The following PKNOX2 variants were observed in gnomAD, a reference collection of about 807,000 sequenced individuals.
The protein encoded by PKNOX2 is homeobox protein PKNOX2.
Under a neutral mutation model 53.1 loss-of-function variants are expected in PKNOX2, and 14 were observed. The observed-to-expected ratio is 0.26, with a 90% CI of 0.17 to 0.41. The LOEUF (loss-of-function observed/expected upper bound fraction) is 0.41. Among genes scored for constraint, PKNOX2 ranks in the 10% least tolerant of loss-of-function variants. The pLI is 1.00. For missense variants in PKNOX2, 496 were observed against 602.8 expected, an observed-to-expected ratio of 0.82 and a Z score of 1.85; for synonymous variants, 257 against 242.8, an observed-to-expected ratio of 1.06 and a Z score of -0.54.
At chr11:125,366,130 C>G (rs888167098) in intron 4 of PKNOX2, among the ~76,000 whole-genome samples, 3 of 152,150 alleles carry the variant, frequency 2.0e-5, no homozygotes, top group African/African-American at 7.2e-5. Context: ...CTCATGTATT[C>G]CAAAAGGTCA....
At chr11:125,376,882 AAAAT>A (rs1392453759) in intron 5 of PKNOX2, among the ~76,000 whole-genome samples, 1 of 152,190 alleles carries the variant, frequency 6.6e-6, no homozygotes, top group East Asian at 1.9e-4. Context: ...AAAATAAATA[AAAAT>A]AAATTTCTAT....
At chr11:125,385,408 C>T in intron 5 of PKNOX2, 143 bp from the exon 6 acceptor site, 1 of 908,482 alleles carries the variant, frequency 1.1e-6, no homozygotes, top group Non-Finnish European at 1.6e-6. Flanking sequence ...CTAGATTGAC[C>T]ATAGGGACTG....
At chr11:125,380,112 CT>C (rs1953121147) in intron 5 of PKNOX2, among the ~76,000 whole-genome samples, 1 of 152,210 alleles carries the variant, frequency 6.6e-6, no homozygotes, top group South Asian at 2.1e-4. Flanking sequence ...TCCCTCCTGC[CT>C]GCCTGTGTCC....
intron 1 of PKNOX2, among the ~76,000 whole-genome samples, chr11:125,190,702 C>A (rs566220979): frequency 4.0e-4 from 61 of 152,302 alleles, no homozygotes; most frequent in African/African-American, 1.3e-3. Flanking sequence ...GTCCACTTTC[C>A]TGGGCTCTCA....
intron 2 of PKNOX2, among the ~76,000 whole-genome samples, chr11:125,291,510 C>G (rs1176376504): frequency 6.6e-6 from 1 of 152,170 alleles, no homozygotes; most frequent in Non-Finnish European, 1.5e-5. Flanking sequence ...TTAGTGGTTC[C>G]TCCAAATTGA....
At chr11:125,217,004 T>C in intron 1 of PKNOX2, among the ~76,000 whole-genome samples, 1 of 125,262 alleles carries the variant, frequency 8.0e-6, no homozygotes. Flanking sequence ...CCCCATCCCC[T>C]CAAAACACAC....
intron 1 of PKNOX2, among the ~76,000 whole-genome samples, chr11:125,222,635 ATG>A (rs1200116353): frequency 7.9e-6 from 1 of 126,764 alleles, no homozygotes; most frequent in East Asian, 2.3e-4. Context: ...GTGTGTGTGT[ATG>A]TGTGTGCGTA....
chr11:125,181,702 T>C (rs1483393332), intron 1 of PKNOX2, among the ~76,000 whole-genome samples: 1 of 152,188 alleles, frequency 6.6e-6, no homozygotes, highest in Non-Finnish European at 1.5e-5. Flanking sequence ...GAGGAATCTC[T>C]TGGTGAGCCC....
intron 10 of PKNOX2, among the ~76,000 whole-genome samples, chr11:125,417,540 A>C (rs1349251189): frequency 6.6e-6 from 1 of 152,074 alleles, no homozygotes; most frequent in Non-Finnish European, 1.5e-5. Context: ...CGAAGAAGGC[A>C]ACACATTTCT....
chr11:125,299,343 C>T (rs1947876641), intron 2 of PKNOX2, among the ~76,000 whole-genome samples: 1 of 152,120 alleles, frequency 6.6e-6, no homozygotes, highest in African/African-American at 2.4e-5. Context: ...AACTAGGTCA[C>T]ACTCTAAACC....
intron 5 of PKNOX2, among the ~76,000 whole-genome samples, chr11:125,380,758 A>G (rs564497557): frequency 6.6e-5 from 10 of 152,312 alleles, no homozygotes; most frequent in African/African-American, 2.4e-4. Context: ...ACACAGGGCC[A>G]TTTGTATTAC....
intron 5 of PKNOX2, among the ~76,000 whole-genome samples, chr11:125,384,923 T>C (rs1314683133): frequency 6.6e-6 from 1 of 152,190 alleles, no homozygotes; most frequent in African/African-American, 2.4e-5. Flanking sequence ...TTGCATCACA[T>C]AGTGATGTAA....
chr11:125,216,239 A>T (rs958306159), intron 1 of PKNOX2, among the ~76,000 whole-genome samples: 1 of 152,218 alleles, frequency 6.6e-6, no homozygotes. Flanking sequence ...CTGCAGAGCC[A>T]TGAGTAGCCA....
chr11:125,375,161 A>C (rs1484767520), intron 5 of PKNOX2, among the ~76,000 whole-genome samples: 1 of 152,156 alleles, frequency 6.6e-6, no homozygotes, highest in Non-Finnish European at 1.5e-5. Context: ...CAAATCTTTA[A>C]CTTCTTTAGA....
chr11:125,208,487 A>C (rs556501231), intron 1 of PKNOX2, among the ~76,000 whole-genome samples: 3 of 152,272 alleles, frequency 2.0e-5, no homozygotes, highest in South Asian at 4.2e-4. Flanking sequence ...TGTGTAAGGC[A>C]GATCAGAGCA....
intron 1 of PKNOX2, among the ~76,000 whole-genome samples, chr11:125,206,356 G>A (rs1029625465): frequency 6.6e-6 from 1 of 151,996 alleles, no homozygotes; most frequent in Non-Finnish European, 1.5e-5. Context: ...TAGAGGAGGG[G>A]GTGTTAGGTA....
chr11:125,308,565 G>A (rs899689033), intron 2 of PKNOX2, among the ~76,000 whole-genome samples: 4 of 152,182 alleles, frequency 2.6e-5, no homozygotes, highest in African/African-American at 9.7e-5. Context: ...AGGAGATGGC[G>A]ACCTCCACAA....
At chr11:125,304,201 G>A (rs1164790769) in intron 2 of PKNOX2, among the ~76,000 whole-genome samples, 2 of 152,146 alleles carry the variant, frequency 1.3e-5, no homozygotes, top group Non-Finnish European at 2.9e-5. Context: ...TAGAAGAGGT[G>A]ATGTCCTAAA....
At chr11:125,262,985 C>T (rs547454416) in intron 2 of PKNOX2, among the ~76,000 whole-genome samples, 10 of 152,168 alleles carry the variant, frequency 6.6e-5, no homozygotes, top group Non-Finnish European at 1.5e-4. Flanking sequence ...TGGTTAAATG[C>T]TGCTGTCTGC....
Sources: gnomAD v4.1 joint callset for allele counts (sites outside exome capture counted in the v4.1 genomes callset) on GRCh38, gnomAD v4.1.1 for gene constraint, MANE v1.5 for transcripts, NCBI Gene and HGNC (gene_info 2026-07-23, HGNC 2026-07-21) for gene names.